Variants in MTUS1 observed in about 807,000 individuals in gnomAD.
MTUS1 encodes the protein microtubule-associated tumor suppressor 1.
MTUS1 carries 109 observed loss-of-function variants against 120.8 expected under a neutral mutation model. That is an observed-to-expected ratio of 0.90 (90% CI 0.77 to 1.06). The LOEUF (loss-of-function observed/expected upper bound fraction) is 1.06, where lower values mean the gene tolerates loss of function less well. Among genes scored for constraint, MTUS1 ranks in the 50% least tolerant of loss-of-function variants. MTUS1 has a pLI of 0.00. For missense variants in MTUS1, 2,210 were observed against 1,486.3 expected, an observed-to-expected ratio of 1.49 and a Z score of -8.01; for synonymous variants, 737 against 550.5, an observed-to-expected ratio of 1.34 and a Z score of -4.74.
At chr8:17,765,678 C>CCCCACA (rs1554531774) in intron 1 of MTUS1, among the ~76,000 whole-genome samples, 7 of 130,088 alleles carry the variant, frequency 5.4e-5, no homozygotes, top group Admixed American at 4.9e-4. Context: ...AATACAGACA[C>CCCCACA]CACACACACA....
chr8:17,724,129 C>T (rs533123140), intron 3 of MTUS1: 3 of 518,624 alleles, frequency 5.8e-6, no homozygotes, highest in African/African-American at 1.9e-5. Flanking sequence ...GATGATCAAT[C>T]AGAATAATCA....
intron 13 of MTUS1, 45 bp downstream of exon 13, chr8:17,649,801 A>G (rs780948738): frequency 9.3e-7 from 1 of 1,073,134 alleles, no homozygotes; most frequent in East Asian, 2.4e-5. Context: ...TTTCACACAT[A>G]TTACCCCATT....
intron 6 of MTUS1, among the ~76,000 whole-genome samples, chr8:17,712,537 C>T (rs1467429817): frequency 4.6e-5 from 7 of 152,074 alleles, no homozygotes; most frequent in Non-Finnish European, 8.8e-5. Context: ...TGGGGTTTCA[C>T]CATGTTGGCC....
intron 3 of MTUS1, among the ~76,000 whole-genome samples, chr8:17,739,191 T>G (rs1329266164): frequency 1.3e-5 from 2 of 152,146 alleles, no homozygotes; most frequent in South Asian, 4.2e-4. Flanking sequence ...AATTAGACTT[T>G]ATTATTAAAA....
chr8:17,764,368 T>G (rs967625501), intron 1 of MTUS1, among the ~76,000 whole-genome samples: 10 of 151,112 alleles, frequency 6.6e-5, no homozygotes, highest in African/African-American at 2.2e-4. Flanking sequence ...AAATGGTAAT[T>G]TCTATGCACT....
intron 1 of MTUS1, among the ~76,000 whole-genome samples, chr8:17,779,776 A>G (rs2050727971): frequency 1.3e-5 from 2 of 152,202 alleles, no homozygotes; most frequent in Non-Finnish European, 2.9e-5. Context: ...ATCAACATCC[A>G]AGTGTTGGAG....
intron 6 of MTUS1, among the ~76,000 whole-genome samples, chr8:17,699,713 C>A (rs1230655094): frequency 1.3e-5 from 2 of 152,192 alleles, no homozygotes. Context: ...AAATTCAGTT[C>A]TTTCCCAAAC....
In MTUS1 at chr8:17,769,921, CACACACG is replaced by C. The variant is rs1340115952; in HGVS notation, c.-154-13967_-154-13961del. ...ACACACACACACACACACACACACA[CACACACG>C]GGGGGGGTTGGGGGGGAAGCACTAC... On this transcript the variant is annotated intron_variant, in intron 1 of 14. Transcript: ENST00000693296. Among the ~76,000 whole-genome samples, 16 of 39,284 alleles carry C rather than the reference CACACACG, an allele frequency of 4.1e-4. No homozygotes were observed. In the South Asian group the frequency reaches 0.01, roughly 25 times the overall value. The allele number at this position is 39,284 out of a possible 152,430, so 25.8% of individuals were successfully genotyped here. A position where few individuals can be genotyped will look rare whatever the true frequency, so the allele number is the denominator to read the frequency against.
chr8:17,700,048 G>A (rs1818729848), intron 6 of MTUS1, among the ~76,000 whole-genome samples: 1 of 152,076 alleles, frequency 6.6e-6, no homozygotes, highest in Non-Finnish European at 1.5e-5. Context: ...AAGCATCTTT[G>A]TTATTTTTAA....
chr8:17,739,584 C>A (rs114555030), intron 3 of MTUS1, among the ~76,000 whole-genome samples: 1 of 152,172 alleles, frequency 6.6e-6, no homozygotes, highest in Non-Finnish European at 1.5e-5. Context: ...TGTTGGTTAA[C>A]AGCATCACTG....
intron 1 of MTUS1, among the ~76,000 whole-genome samples, chr8:17,776,604 G>A (rs547847741): frequency 6.1e-5 from 9 of 147,300 alleles, no homozygotes; most frequent in South Asian, 2.1e-4. Context: ...ACTTGAACTC[G>A]GGAGGTGGAG....
In MTUS1 at chr8:17,743,739, C is replaced by T. The variant is rs200171947; in HGVS notation, c.2152G>A (p.Gly718Ser). 1.6e-4 allele frequency: 265 copies of T among 1,613,974 alleles called. 5 individuals are homozygous for T. In the Middle Eastern group the frequency reaches 0.011, roughly 67 times the overall value. ...TTTGGAGCAGCTATTTGCCTCAAACCGCAGGAGTCAGGCTTGGATATATTC... is the reference window on the plus strand; with the variant it reads ...TTTGGAGCAGCTATTTGCCTCAAACTGCAGGAGTCAGGCTTGGATATATTC... ...GRNISKPDSC[G>S]LRQIAAPKAK... The change falls in exon 3 of 15, where the codon GGT becomes AGT. Residue 718 changes from glycine to serine, a missense_variant. Transcript: ENST00000693296.
chr8:17,683,455 C>T (rs181549076), intron 7 of MTUS1, among the ~76,000 whole-genome samples: 1 of 152,212 alleles, frequency 6.6e-6, no homozygotes, highest in East Asian at 1.9e-4. Context: ...CCAAACTGAA[C>T]AGTTTTCTTT....
chr8:17,718,754 C>T (rs895188653), intron 4 of MTUS1, among the ~76,000 whole-genome samples: 2 of 151,796 alleles, frequency 1.3e-5, no homozygotes, highest in Non-Finnish European at 2.9e-5. Flanking sequence ...GAATCTTTAT[C>T]TTCATTTCCC....
At position 17,743,696 on chromosome 8, in the gene MTUS1, G is replaced by C; in HGVS notation, c.2195C>G (p.Pro732Arg). ...ACTGTTCCGCCTCAAACAGGAAACA[G>C]GGGGCCCCACTTTGGCTTTTGGAGC... ...IAAPKAKVGP[P>R]VSCLRRNSDN... The change falls in exon 3 of 15, where the codon CCT becomes CGT. Residue 732 changes from proline to arginine, a missense_variant. Physicochemically the swap from Pro to Arg is moderately radical, Grantham distance 103. Coordinates refer to ENST00000693296, the MANE Select transcript of MTUS1 (RefSeq NM_001363059.2). 1 of 1,614,152 alleles carries C rather than the reference G, an allele frequency of 6.2e-7. No homozygotes were observed. The highest frequency in any genetic ancestry group is 8.5e-7 in the Non-Finnish European group (1 of 1,180,014).
At chr8:17,738,710 C>T (rs543518119) in intron 3 of MTUS1, among the ~76,000 whole-genome samples, 1 of 152,166 alleles carries the variant, frequency 6.6e-6, no homozygotes, top group Non-Finnish European at 1.5e-5. Flanking sequence ...TTTCCTGAAG[C>T]AGCATTAATT....
At chr8:17,653,661 TG>T in intron 10 of MTUS1, 163 bp from the exon 11 acceptor site, 1 of 583,462 alleles carries the variant, frequency 1.7e-6, no homozygotes, top group Non-Finnish European at 2.9e-6. Context: ...GTTCTCAAAA[TG>T]GCCTTGAGAG....
chr8:17,714,682 T>C (rs1248490914), intron 5 of MTUS1, among the ~76,000 whole-genome samples: 2 of 152,056 alleles, frequency 1.3e-5, no homozygotes, highest in Non-Finnish European at 2.9e-5. Flanking sequence ...TTTGCTGGAA[T>C]AAAAACAAAA....
chr8:17,722,767 C>T (rs770487316), intron 4 of MTUS1: 11 of 158,774 alleles, frequency 6.9e-5, no homozygotes, highest in Non-Finnish European at 1.3e-4. Context: ...GCAGAAGTTA[C>T]CTGAGAGAAA....
Sources: allele counts gnomAD v4.1 joint callset (sites outside exome capture counted in the v4.1 genomes callset), GRCh38; gene constraint gnomAD v4.1.1; transcripts MANE v1.5; gene names NCBI Gene and HGNC (gene_info 2026-07-23, HGNC 2026-07-21).